Variants in CTBP1 observed in about 807,000 individuals in gnomAD.
CTBP1 encodes the protein C-terminal binding protein 1.
In CTBP1, 11 loss-of-function variants were observed where a neutral mutation model predicts 42.1. The observed-to-expected ratio is 0.26, with a 90% CI of 0.16 to 0.43. CTBP1 has a LOEUF of 0.43. Ranked by LOEUF, CTBP1 falls within the 20% of genes least tolerant of loss-of-function variation. CTBP1 has a pLI of 1.00. For missense variants in CTBP1, 399 were observed against 624.3 expected, an observed-to-expected ratio of 0.64 and a Z score of 3.85; for synonymous variants, 324 against 277.1, an observed-to-expected ratio of 1.17 and a Z score of -1.68.
intron 4 of CTBP1, among the ~76,000 whole-genome samples, chr4:1,227,117 A>G (rs1374407273): frequency 6.6e-6 from 1 of 152,194 alleles, no homozygotes; most frequent in Middle Eastern, 3.4e-3. Context: ...GTTTGTTCTA[A>G]TGAGTGTCTG....
intron 1 of CTBP1, among the ~76,000 whole-genome samples, chr4:1,246,085 G>C (rs1207791969): frequency 6.6e-6 from 1 of 152,192 alleles, no homozygotes; most frequent in Non-Finnish European, 1.5e-5. Context: ...TGTGGCCGGA[G>C]GGGCTTCTGG....
chr4:1,232,330 G>A (rs376394171), intron 3 of CTBP1, among the ~76,000 whole-genome samples: 1 of 151,528 alleles, frequency 6.6e-6, no homozygotes, highest in African/African-American at 2.4e-5. Flanking sequence ...TTTCCTTTTT[G>A]AGACAGAGTC....
chr4:1,237,056 C>T (rs899915195), intron 3 of CTBP1: 8 of 644,032 alleles, frequency 1.2e-5, no homozygotes, highest in Middle Eastern at 2.6e-4. Context: ...CAGGACAAAC[C>T]GAGTGTGGGG....
chr4:1,248,040 C>T (rs891532509), intron 1 of CTBP1, among the ~76,000 whole-genome samples: 5 of 152,232 alleles, frequency 3.3e-5, no homozygotes, highest in African/African-American at 4.8e-5. Context: ...GGGGCTCAGG[C>T]GCACGGACTC....
chr4:1,224,372 G>A (rs575075054), intron 5 of CTBP1, among the ~76,000 whole-genome samples: 74 of 151,402 alleles, frequency 4.9e-4, no homozygotes, highest in Admixed American at 2.8e-3. Flanking sequence ...TGTGATGTCC[G>A]TGTGATGTCT....
chr4:1,222,690 G>T (rs755793714), intron 5 of CTBP1, among the ~76,000 whole-genome samples: 1 of 152,126 alleles, frequency 6.6e-6, no homozygotes, highest in Admixed American at 6.5e-5. Context: ...TCCCGACCTG[G>T]GTGTTCCAAC....
chr4:1,242,880 G>A (rs537445914), intron 1 of CTBP1: 363 of 985,338 alleles, frequency 3.7e-4, no homozygotes, highest in Non-Finnish European at 4.0e-4. Context: ...GCAAGGCACC[G>A]CGCCACCCAC....
chr4:1,212,505 C>T, intron 9 of CTBP1, 82 bp from the exon 10 acceptor site: 2 of 1,213,344 alleles, frequency 1.6e-6, no homozygotes, highest in Non-Finnish European at 1.1e-6. Flanking sequence ...ATCGGCAGCA[C>T]CGAGGGGGCC....
rs771269618 is a variant in CTBP1 at position 1,212,295 on chromosome 4, G to A, written c.1235C>T (p.Pro412Leu). 6.5e-7 allele frequency: 1 copy of A among 1,535,614 alleles called. No homozygotes were observed. Among genetic ancestry groups the A allele is most frequent in the Non-Finnish European group, 8.7e-7 (1 of 1,144,044 alleles). Residue 412 changes from proline (P) to leucine (L), a missense_variant, in exon 10 of 10, where the codon CCT becomes CTT. Around this residue, in one of 4 missense-constraint regions of CTBP1, gnomAD observed 60 missense variants for 46.5 expected, o/e 1.29. Transcript: ENST00000382952. ...CGCCTCGGGCTTGACGGTTTGGCCA[G>A]GAGAAGGGGCGTGGGGCGGGTGGGC... ...PVAHPPHAPS[P>L]GQTVKPEADR...
chr4:1,245,371 G>A (rs1732610840), intron 1 of CTBP1: 2 of 985,436 alleles, frequency 2.0e-6, no homozygotes, highest in African/African-American at 1.7e-5. Context: ...GGAACCCCCA[G>A]AACGCCACCT....
Position 1,212,680 on chromosome 4 carries a change from G to A in CTBP1, c.1106+233C>T, listed in dbSNP as rs113168118. 2.4e-3 allele frequency: 1,439 copies of A among 609,754 alleles called. 10 individuals carry two copies. The highest frequency in any genetic ancestry group is 0.011 in the African/African-American group (613 of 53,968). 37.8% of individuals were successfully genotyped at this position (609,754 alleles called of 1,614,324 possible). A position where few individuals can be genotyped will look rare whatever the true frequency, so the allele number is the denominator to read the frequency against. On this transcript the variant is annotated intron_variant, in intron 9 of 9. Coordinates refer to ENST00000382952, the MANE Select transcript of CTBP1 (RefSeq NM_001012614.2). ...AAAGCCCCCTCCTCCCACAGGCCCC[G>A]TGCCCATGGCACTCCTGTGTCCACT...
At chr4:1,224,073 G>A (rs1200688760) in intron 5 of CTBP1, among the ~76,000 whole-genome samples, 1 of 137,176 alleles carries the variant, frequency 7.3e-6, no homozygotes, top group Admixed American at 7.1e-5. Flanking sequence ...CCCGGCCCCA[G>A]CAGGATCTAC....
intron 3 of CTBP1, among the ~76,000 whole-genome samples, chr4:1,232,524 C>G (rs1283123355): frequency 6.6e-6 from 1 of 152,100 alleles, no homozygotes; most frequent in South Asian, 2.1e-4. Flanking sequence ...GTTGCCCAGG[C>G]TGGTCTTGAA....
intron 5 of CTBP1, among the ~76,000 whole-genome samples, chr4:1,224,614 G>C (rs991316016): frequency 6.6e-6 from 1 of 151,166 alleles, no homozygotes; most frequent in Non-Finnish European, 1.5e-5. Flanking sequence ...CTTGTGTGAG[G>C]CCTGTATGTG....
chr4:1,214,378 G>A lies in CTBP1; in HGVS notation c.825C>T (p.Gly275=), dbSNP rs557237647. The change falls in exon 7 of 10, where the codon GGC becomes GGT. Residue 275 remains glycine, a synonymous_variant. Coordinates refer to ENST00000382952, the MANE Select transcript of CTBP1 (RefSeq NM_001012614.2). ...AQALKEGRIR[G]AALDVHESEP... is the part of the protein sequence containing the mutation. Reference sequence around the variant, plus strand: ...CCGACTCGTGCACATCCAGGGCCGCGCCGCGGATCCGGCCCTCCTTCAGGG... The same window carrying A: ...CCGACTCGTGCACATCCAGGGCCGCACCGCGGATCCGGCCCTCCTTCAGGG... 103 of 1,566,060 alleles carry A rather than the reference G, an allele frequency of 6.6e-5. No homozygotes were observed. Among genetic ancestry groups the A allele is most frequent in the Admixed American group, 1.4e-4 (7 of 50,004 alleles).
chr4:1,222,213 C>G (rs940826708), intron 5 of CTBP1, among the ~76,000 whole-genome samples: 1 of 151,968 alleles, frequency 6.6e-6, no homozygotes, highest in African/African-American at 2.4e-5. Context: ...AGGGGCGGGG[C>G]GGGGGACGGG....
rs1034331945 is a variant in CTBP1 at position 1,233,441 on chromosome 4, G to A, written c.162+4742C>T. On this transcript the variant is annotated intron_variant, in intron 3 of 9. Coordinates refer to ENST00000382952, the MANE Select transcript of CTBP1 (RefSeq NM_001012614.2). This position sits in a 1 kb window ranked among gnomAD's most constrained non-coding sequence, Gnocchi z 4.6. ...ACTGTCCAGCTGGCTGCAGGTCCTCGCAGGCCACTGCGTCCTGTGCCCTCC... is the reference window on the plus strand; with the variant it reads ...ACTGTCCAGCTGGCTGCAGGTCCTCACAGGCCACTGCGTCCTGTGCCCTCC... Among the ~76,000 whole-genome samples, 5 of 152,192 alleles carry A rather than the reference G, an allele frequency of 3.3e-5. No individual in the cohort carries two copies. Among genetic ancestry groups the A allele is most frequent in the South Asian group, 2.1e-4 (1 of 4,836 alleles).
chr4:1,223,497 A>G lies in CTBP1; in HGVS notation c.514+1863T>C, dbSNP rs1370429754. 6 of 455,908 alleles carry G rather than the reference A, an allele frequency of 1.3e-5. 1 individual carries two copies. Among genetic ancestry groups the G allele is most frequent in the South Asian group, 9.3e-5 (6 of 64,566 alleles). The allele number at this position is 455,908 out of a possible 1,614,324, so 28.2% of individuals were successfully genotyped here. A position where few individuals can be genotyped will look rare whatever the true frequency, so the allele number is the denominator to read the frequency against. On this transcript the variant is annotated intron_variant, in intron 5 of 9. Coordinates refer to ENST00000382952, the MANE Select transcript of CTBP1 (RefSeq NM_001012614.2). ...CGCTGGCGGGACAAGGACAGCGGTC[A>G]GCAGGAGTGGGCTGCCTGGATGTTT... is the stretch of plus-strand genomic sequence containing the variant.
At chr4:1,225,244 GGA>G in intron 5 of CTBP1, 114 bp downstream of exon 5, 2 of 1,262,792 alleles carry the variant, frequency 1.6e-6, no homozygotes, top group Non-Finnish European at 2.2e-6. Flanking sequence ...TCCTGGGTTG[GGA>G]CCGACACCTG....
Sources: allele counts gnomAD v4.1 joint callset (sites outside exome capture counted in the v4.1 genomes callset), GRCh38; gene constraint gnomAD v4.1.1; regional missense constraint gnomAD v4.1.1; non-coding constraint Gnocchi (gnomAD v3.1); transcripts MANE v1.5; gene names NCBI Gene and HGNC (gene_info 2026-07-23, HGNC 2026-07-21).